The following DCBLD2 variants were observed in gnomAD, a reference collection of about 807,000 sequenced individuals.
DCBLD2 encodes the protein discoidin, CUB and LCCL domain containing 2.
A neutral mutation model predicts 86.8 loss-of-function variants in DCBLD2; 54 were observed. That is an observed-to-expected ratio of 0.62 (90% CI 0.50 to 0.78). The LOEUF (loss-of-function observed/expected upper bound fraction) is 0.78, where lower values mean the gene tolerates loss of function less well. Among genes scored for constraint, DCBLD2 ranks in the 30% least tolerant of loss-of-function variants. The probability of loss-of-function intolerance (pLI) is 0.00; values close to 1 mark genes in which losing one functional copy is unlikely to be tolerated. For missense variants in DCBLD2, 908 were observed against 954.2 expected (o/e 0.95, Z 0.64); for synonymous variants, 354 against 341.3 (o/e 1.04, Z -0.41).
chr3:98,897,491 T>G (rs1206352688), intron 1 of DCBLD2, among the ~76,000 whole-genome samples: 2 of 152,178 alleles, frequency 1.3e-5, no homozygotes, highest in East Asian at 1.9e-4. Flanking sequence ...AATGTCAATG[T>G]GAAAAATAAT....
intron 1 of DCBLD2, among the ~76,000 whole-genome samples, chr3:98,897,322 G>T (rs934474149): frequency 1.3e-5 from 2 of 152,050 alleles, no homozygotes; most frequent in Non-Finnish European, 2.9e-5. Context: ...TCATTCACAC[G>T]TGTGGATTGT....
chr3:98,839,670 A>T (rs996785719), intron 3 of DCBLD2, among the ~76,000 whole-genome samples: 1 of 152,208 alleles, frequency 6.6e-6, no homozygotes, highest in Admixed American at 6.5e-5. Flanking sequence ...ATGTCATTCT[A>T]GGCACCAGAG....
At chr3:98,875,477 A>C (rs2107516507) in intron 2 of DCBLD2, among the ~76,000 whole-genome samples, 1 of 152,336 alleles carries the variant, frequency 6.6e-6, no homozygotes, top group East Asian at 1.9e-4. Context: ...TCAACATCAT[A>C]AAGTTAATTT....
chr3:98,825,465 T>G, intron 3 of DCBLD2, 99 bp from the exon 4 acceptor site: 1 of 905,676 alleles, frequency 1.1e-6, no homozygotes, highest in Non-Finnish European at 1.6e-6. Context: ...TACTCTAATT[T>G]TCAAAAATCT....
At chr3:98,883,296 CCTT>C (rs1229691483) in intron 1 of DCBLD2, among the ~76,000 whole-genome samples, 5 of 152,274 alleles carry the variant, frequency 3.3e-5, no homozygotes, top group East Asian at 1.9e-4. Context: ...ACAAGGCACT[CCTT>C]CTTGAAATTA....
At chr3:98,879,779 T>C (rs1943429416) in intron 2 of DCBLD2, among the ~76,000 whole-genome samples, 1 of 152,214 alleles carries the variant, frequency 6.6e-6, no homozygotes, top group Non-Finnish European at 1.5e-5. Context: ...TAAAATGCTA[T>C]GTATATGTTG....
At chr3:98,867,057 T>C (rs1943160784) in intron 2 of DCBLD2, among the ~76,000 whole-genome samples, 1 of 152,316 alleles carries the variant, frequency 6.6e-6, no homozygotes, top group Non-Finnish European at 1.5e-5. Context: ...TTCTGTTCCA[T>C]TGGTCTATAT....
At chr3:98,816,464 G>T (rs1388383378) in intron 9 of DCBLD2, among the ~76,000 whole-genome samples, 1 of 152,166 alleles carries the variant, frequency 6.6e-6, no homozygotes, top group Non-Finnish European at 1.5e-5. Context: ...TGTGGCAGGA[G>T]TAAAGAGTAG....
chr3:98,862,383 T>C (rs1357173226), intron 2 of DCBLD2, among the ~76,000 whole-genome samples: 2 of 152,172 alleles, frequency 1.3e-5, no homozygotes, highest in Admixed American at 1.3e-4. Flanking sequence ...GCCAGCATCA[T>C]CCTGATACCA....
chr3:98,850,331 A>G (rs1465675179), intron 2 of DCBLD2, among the ~76,000 whole-genome samples: 1 of 152,228 alleles, frequency 6.6e-6, no homozygotes, highest in Non-Finnish European at 1.5e-5. Context: ...CAATCAACCA[A>G]TAAACAAACA....
chr3:98,853,981 C>CA (rs1367085852), intron 2 of DCBLD2, among the ~76,000 whole-genome samples: 16 of 133,160 alleles, frequency 1.2e-4, no homozygotes, highest in East Asian at 9.9e-4. Flanking sequence ...TATTTACGAA[C>CA]AGGTTTTTTT....
At chr3:98,899,257 T>C (rs1220493677) in intron 1 of DCBLD2, among the ~76,000 whole-genome samples, 1 of 116,140 alleles carries the variant, frequency 8.6e-6, no homozygotes, top group East Asian at 2.8e-4. Flanking sequence ...GCTATTTCTT[T>C]TTCTTTTTTT....
At chr3:98,826,875 G>A (rs1229060673) in intron 3 of DCBLD2, among the ~76,000 whole-genome samples, 1 of 152,132 alleles carries the variant, frequency 6.6e-6, no homozygotes, top group Non-Finnish European at 1.5e-5. Flanking sequence ...GTCAAGGGTA[G>A]CCAATATACC....
chr3:98,806,007 T>C (rs752648812), intron 13 of DCBLD2, among the ~76,000 whole-genome samples: 3 of 152,234 alleles, frequency 2.0e-5, no homozygotes, highest in Non-Finnish European at 2.9e-5. Context: ...AGGCAAGTTA[T>C]TTGCCCATAA....
Position 98,819,287 on chromosome 3 carries a change from T to C in DCBLD2, c.1002A>G (p.Lys334=), listed in dbSNP as rs778892138. 2 of 1,613,630 alleles carry C rather than the reference T, an allele frequency of 1.2e-6. No individual in the cohort carries two copies. Among genetic ancestry groups the C allele is most frequent in the Admixed American group, 1.7e-5 (1 of 59,960 alleles). Residue 334 remains lysine, a synonymous_variant, in exon 8 of 16, where the codon AAA becomes AAG. Coordinates refer to ENST00000326840, the MANE Select transcript of DCBLD2 (RefSeq NM_080927.4). Reference sequence around the variant, plus strand: ...AAGCAGCCCAAGGCGGTCCAGGTTTTTTCAGCCTGGCTTTTTTGGGTTTCC... The same window carrying C: ...AAGCAGCCCAAGGCGGTCCAGGTTTCTTCAGCCTGGCTTTTTTGGGTTTCC... The part of the protein sequence containing the change: ...NSWKPKKARL[K]KPGPPWAAFA...
chr3:98,863,876 G>T (rs1459597010), intron 2 of DCBLD2, among the ~76,000 whole-genome samples: 1 of 152,116 alleles, frequency 6.6e-6, no homozygotes, highest in East Asian at 1.9e-4. Flanking sequence ...TTAAACTAAA[G>T]AGCTTCTGCA....
chr3:98,801,926 G>C lies in DCBLD2; in HGVS notation c.1671-277C>G, dbSNP rs148947513. ...CTGCATAGTATTCCATGGTGTATAT[G>C]TGCCACATTTTCTTAATTCAATCTA... On this transcript the variant is annotated intron_variant, in intron 13 of 15. Transcript: ENST00000326840. 521 of 291,538 alleles carry C rather than the reference G, an allele frequency of 1.8e-3. 4 individuals are homozygous for C. The highest frequency in any genetic ancestry group is 0.018 in the East Asian group (281 of 16,036). 18.1% of individuals were successfully genotyped at this position (291,538 alleles called of 1,614,324 possible).
intron 2 of DCBLD2, among the ~76,000 whole-genome samples, chr3:98,865,522 ATAAGT>A (rs1374484406): frequency 6.6e-6 from 1 of 152,156 alleles, no homozygotes; most frequent in African/African-American, 2.4e-5. Flanking sequence ...CATAGGAGTG[ATAAGT>A]TAAAAAGAAA....
chr3:98,860,268 G>A (rs1227961436), intron 2 of DCBLD2, among the ~76,000 whole-genome samples: 1 of 152,162 alleles, frequency 6.6e-6, no homozygotes, highest in East Asian at 1.9e-4. Flanking sequence ...TGAAAGTGAT[G>A]GGGAGAATGG....
Sources: allele counts gnomAD v4.1 joint callset (sites outside exome capture counted in the v4.1 genomes callset), GRCh38; gene constraint gnomAD v4.1.1; transcripts MANE v1.5; gene names NCBI Gene and HGNC (gene_info 2026-07-23, HGNC 2026-07-21).